Variants in NPHP1 observed in about 807,000 individuals in gnomAD.
The protein encoded by NPHP1 is nephrocystin-1.
NPHP1 carries 70 observed loss-of-function variants against 90.4 expected under a neutral mutation model. The ratio of observed to expected loss-of-function variants is 0.77; its 90% confidence interval spans 0.64 to 0.95. The LOEUF (loss-of-function observed/expected upper bound fraction) is 0.95, where lower values mean the gene tolerates loss of function less well. Ranked by LOEUF, NPHP1 falls within the 40% of genes least tolerant of loss-of-function variation. The probability of loss-of-function intolerance (pLI) is 0.00; values close to 1 mark genes in which losing one functional copy is unlikely to be tolerated. For missense variants in NPHP1, 764 were observed against 795.9 expected, an observed-to-expected ratio of 0.96 and a Z score of 0.48; for synonymous variants, 256 against 271.7, an observed-to-expected ratio of 0.94 and a Z score of 0.57.
chr2:110,137,811 C>A (rs1433761477), intron 16 of NPHP1, among the ~76,000 whole-genome samples: 1 of 150,870 alleles, frequency 6.6e-6, no homozygotes, highest in Non-Finnish European at 1.5e-5. Context: ...TTGACCCAGC[C>A]ATCCCATTAC....
intron 12 of NPHP1, among the ~76,000 whole-genome samples, chr2:110,148,713 T>C (rs1242822679): frequency 6.6e-6 from 1 of 152,162 alleles, no homozygotes; most frequent in Admixed American, 6.5e-5. Flanking sequence ...TTACAAATAA[T>C]AGTTTATAGA....
At position 110,129,206 on chromosome 2, in the gene NPHP1, C is replaced by T; in HGVS notation, c.1696G>A (p.Asp566Asn). The change falls in exon 18 of 20, where the codon GAT becomes AAT. Residue 566 changes from aspartate to asparagine, a missense_variant. Transcript: ENST00000445609. The part of the protein sequence containing the change: ...ATFPMLLEQP[D>N]VMDALRSSWA... ...CCCACCCTGAGAGCATCCATCACAT[C>T]AGGCTGCTCCAAGAGCATGGGGAAG... 6.2e-7 allele frequency: 1 copy of T among 1,613,198 alleles called. No individual in the cohort carries two copies. The highest frequency in any genetic ancestry group is 8.5e-7 in the Non-Finnish European group (1 of 1,179,322).
intron 16 of NPHP1, among the ~76,000 whole-genome samples, chr2:110,140,163 A>G (rs571335884): frequency 1.8e-4 from 28 of 152,096 alleles, no homozygotes; most frequent in African/African-American, 5.8e-4. Flanking sequence ...AGGAATGTAT[A>G]TTTTGGGGTC....
At position 110,127,630 on chromosome 2, in the gene NPHP1, C is replaced by A. The variant is rs190137490; in HGVS notation, c.1716+1556G>T. ...TAAATAACATATGTGCACAACTTTA[C>A]CCTCATGCTTTCAAGCAGCCCGTGG... is the stretch of plus-strand genomic sequence containing the variant. On this transcript the variant is annotated intron_variant, in intron 18 of 19. Coordinates refer to ENST00000445609, the MANE Select transcript of NPHP1 (RefSeq NM_001128178.3). 2.0e-3 allele frequency: 309 copies of A among 151,880 alleles called. 3 individuals are homozygous for A. The highest frequency in any genetic ancestry group is 7.2e-3 in the African/African-American group (297 of 41,394). 9.4% of individuals were successfully genotyped at this position (151,880 alleles called of 1,614,324 possible). A position where few individuals can be genotyped will look rare whatever the true frequency, so the allele number is the denominator to read the frequency against.
intron 2 of NPHP1, among the ~76,000 whole-genome samples, chr2:110,194,466 G>A: frequency 6.6e-6 from 1 of 152,068 alleles, no homozygotes; most frequent in African/African-American, 2.4e-5. Context: ...GGAAGAAGCT[G>A]AATCTCTGAA....
At chr2:110,175,287 T>C (rs1029460347) in intron 4 of NPHP1, among the ~76,000 whole-genome samples, 1 of 152,178 alleles carries the variant, frequency 6.6e-6, no homozygotes, top group Admixed American at 6.5e-5. Context: ...GGCTTTTATA[T>C]GTACCCACGT....
intron 2 of NPHP1, among the ~76,000 whole-genome samples, chr2:110,195,027 TAAGACAA>T (rs1685054689): frequency 6.6e-6 from 1 of 152,094 alleles, no homozygotes; most frequent in African/African-American, 2.4e-5. Context: ...AACAGCTATC[TAAGACAA>T]ACCCACAGCC....
At chr2:110,124,276 T>C (rs1324252998) in intron 19 of NPHP1, 1 of 621,652 alleles carries the variant, frequency 1.6e-6, no homozygotes, top group Non-Finnish European at 2.9e-6. Context: ...CAGTTCTCCC[T>C]GAGAGCCTCT....
At chr2:110,124,553 TCC>T in intron 19 of NPHP1, 7 of 226,068 alleles carry the variant, frequency 3.1e-5, no homozygotes, top group Admixed American at 5.1e-5. Flanking sequence ...GGTCGAGGGG[TCC>T]TTTGGTGATG....
At chr2:110,161,194 C>A (rs1349061656) in intron 10 of NPHP1, among the ~76,000 whole-genome samples, 1 of 152,028 alleles carries the variant, frequency 6.6e-6, no homozygotes, top group East Asian at 1.9e-4. Flanking sequence ...GCTACTACTA[C>A]TATAAATGAT....
chr2:110,184,514 C>G, intron 2 of NPHP1: 1 of 1,167,650 alleles, frequency 8.6e-7, no homozygotes, highest in Non-Finnish European at 1.3e-6. Flanking sequence ...CAGGCAGGAC[C>G]ACGGGGGTGG....
rs767777472 is a variant in NPHP1 at position 110,178,418 on chromosome 2, C to A, written c.329+5G>T. The A allele has an allele frequency of 4.3e-6, 7 of 1,613,576 alleles. No homozygotes were observed. The South Asian group carries it at 7.7e-5, about 18-fold the overall frequency. Reference sequence around the variant, plus strand: ...AGAAAAAAGAAAGGTAGAAAGGAAGCATACTCAGTTATATTTTCTCTGCTT... The same window carrying A: ...AGAAAAAAGAAAGGTAGAAAGGAAGAATACTCAGTTATATTTTCTCTGCTT... On this transcript the variant is annotated splice_donor_5th_base_variant and intron_variant, in intron 4 of 19. Transcript: ENST00000445609.
intron 11 of NPHP1, among the ~76,000 whole-genome samples, chr2:110,159,765 C>T (rs891800097): frequency 6.6e-6 from 1 of 151,806 alleles, no homozygotes; most frequent in Admixed American, 6.6e-5. Flanking sequence ...TCTCTTTGGT[C>T]CATCTGTTTT....
In NPHP1 at chr2:110,190,866, A is replaced by G. The variant is rs535540857; in HGVS notation, c.143+10555T>C. ...GTCTAAAAATAAGCAAATTTATAAG[A>G]AAAAAAAACCCCATTAAAAAGTGAG... On this transcript the variant is annotated intron_variant, in intron 2 of 19. Transcript: ENST00000445609. 5.5e-4 allele frequency among the ~76,000 whole-genome samples: 83 copies of G among 151,672 alleles called. 1 individual carries two copies. The highest frequency in any genetic ancestry group is 1.7e-3 in the African/African-American group (72 of 41,270).
intron 4 of NPHP1, among the ~76,000 whole-genome samples, chr2:110,177,657 A>G (rs1208147182): frequency 1.3e-5 from 2 of 152,156 alleles, no homozygotes; most frequent in Non-Finnish European, 2.9e-5. Flanking sequence ...GGAATACTCA[A>G]CTTGTATATG....
chr2:110,195,871 T>A (rs1024038252), intron 2 of NPHP1, among the ~76,000 whole-genome samples: 1 of 152,162 alleles, frequency 6.6e-6, no homozygotes, highest in African/African-American at 2.4e-5. Flanking sequence ...CTATCTGATC[T>A]TTGACAAACC....
Position 110,124,082 on chromosome 2 carries a change from C to T in NPHP1, c.1762-19G>A. The T allele has an allele frequency of 1.9e-6, 3 of 1,613,524 alleles. No individual in the cohort carries two copies. Among genetic ancestry groups the T allele is most frequent in the Non-Finnish European group, 2.5e-6 (3 of 1,179,436 alleles). ...TGTCTCTCTGGGAAAACACCACCCC[C>T]ACAAATAACATTGTTATTTTTAAAG... On this transcript the variant is annotated intron_variant, in intron 19 of 19. Transcript: ENST00000445609.
chr2:110,138,211 A>G lies in NPHP1; in HGVS notation c.1529+5331T>C, dbSNP rs575250589. On this transcript the variant is annotated intron_variant, in intron 16 of 19. Coordinates refer to ENST00000445609, the MANE Select transcript of NPHP1 (RefSeq NM_001128178.3). ...GGGGAGGGATAGCATTAGGAGATAT[A>G]CCTAATGTTAAATGATGAGTTAATG... Among the ~76,000 whole-genome samples the G allele has an allele frequency of 1.2e-4, 19 of 152,150 alleles. 1 individual carries two copies. In the South Asian group the frequency reaches 3.5e-3, roughly 28 times the overall value.
chr2:110,123,766 A>T lies in NPHP1; in HGVS notation c.*25T>A. ...GGAGGATCCATCTGATTCCGTGGGAAGCTGAGGGCTAGAGGCTGCCACTGT... is the reference window on the plus strand; with the variant it reads ...GGAGGATCCATCTGATTCCGTGGGATGCTGAGGGCTAGAGGCTGCCACTGT... On this transcript the variant is annotated 3_prime_UTR_variant, in exon 20 of 20. Coordinates refer to ENST00000445609, the MANE Select transcript of NPHP1 (RefSeq NM_001128178.3). 1 of 1,612,078 alleles carries T rather than the reference A, an allele frequency of 6.2e-7. No individual in the cohort carries two copies. Among genetic ancestry groups the T allele is most frequent in the Non-Finnish European group, 8.5e-7 (1 of 1,178,768 alleles).
Sources: gnomAD v4.1 joint callset for allele counts (sites outside exome capture counted in the v4.1 genomes callset) on GRCh38, gnomAD v4.1.1 for gene constraint, MANE v1.5 for transcripts, NCBI Gene and HGNC (gene_info 2026-07-23, HGNC 2026-07-21) for gene names.